The following DLGAP5 variants were observed in gnomAD, a reference collection of about 807,000 sequenced individuals.
The protein encoded by DLGAP5 is disks large-associated protein 5.
A neutral mutation model predicts 99.6 loss-of-function variants in DLGAP5; 90 were observed. The observed-to-expected ratio is 0.90, with a 90% CI of 0.76 to 1.08. DLGAP5 has a LOEUF of 1.08. Ranked by LOEUF, DLGAP5 falls within the 50% of genes least tolerant of loss-of-function variation. The pLI is 0.00. For missense variants in DLGAP5, 1,036 were observed against 983.5 expected (o/e 1.05, Z -0.71); for synonymous variants, 311 against 321.3 (o/e 0.97, Z 0.34).
In DLGAP5 at chr14:55,175,418, A is replaced by G. The variant is rs760676527; in HGVS notation, c.1229T>C (p.Ile410Thr). 6.4e-7 allele frequency: 1 copy of G among 1,567,040 alleles called. No homozygotes were observed. Among genetic ancestry groups the G allele is most frequent in the Admixed American group, 1.7e-5 (1 of 58,336 alleles). Residue 410 changes from isoleucine to threonine, a missense_variant, in exon 10 of 19, where the codon ATA becomes ACA. Physicochemically the swap from Ile to Thr is moderately conservative, Grantham distance 89. Coordinates refer to ENST00000247191, the MANE Select transcript of DLGAP5 (RefSeq NM_014750.5). ...TCTTTCAAGTGATGGGACTTCTTTT[A>G]TTGGAAGGCCATTTAAATTTTTAGT... ...ATTKNLNGLP[I>T]KEVPSLERNE... is the part of the protein sequence containing the mutation.
intron 11 of DLGAP5, 88 bp downstream of exon 11, chr14:55,170,614 G>A: frequency 8.7e-7 from 1 of 1,145,464 alleles, no homozygotes; most frequent in Non-Finnish European, 1.3e-6. Context: ...AAACAATAAA[G>A]TTAGGCAATG....
At chr14:55,162,655 C>T (rs1306678998) in intron 13 of DLGAP5, among the ~76,000 whole-genome samples, 1 of 151,548 alleles carries the variant, frequency 6.6e-6, no homozygotes, top group Non-Finnish European at 1.5e-5. Context: ...AAAACCAACA[C>T]TCATATATCC....
At chr14:55,154,943 TTTCTG>T in intron 14 of DLGAP5, 137 bp from the exon 15 acceptor site, 1 of 729,376 alleles carries the variant, frequency 1.4e-6, no homozygotes, top group South Asian at 1.9e-5. Context: ...TGCCTGGGAC[TTTCTG>T]TTAAAGATAG....
chr14:55,177,427 A>AC lies in DLGAP5; in HGVS notation c.775-92_775-91insG, dbSNP rs1883113242. On this transcript the variant is annotated intron_variant, in intron 7 of 18. Coordinates refer to ENST00000247191, the MANE Select transcript of DLGAP5 (RefSeq NM_014750.5). The stretch of plus-strand genomic sequence containing the variant: ...TATAGGTCTGAAAATATGACAACAG[A>AC]AATATATGTTCTATGTACATAATTT... 3.4e-6 allele frequency: 4 copies of AC among 1,190,666 alleles called. No individual in the cohort carries two copies. In the African/African-American group the frequency reaches 6.2e-5, roughly 18 times the overall value. 73.8% of individuals were successfully genotyped at this position (1,190,666 alleles called of 1,614,324 possible). A position where few individuals can be genotyped will look rare whatever the true frequency, so the allele number is the denominator to read the frequency against.
chr14:55,177,384 A>G, intron 7 of DLGAP5, 48 bp from the exon 8 acceptor site: 1 of 1,509,610 alleles, frequency 6.6e-7, no homozygotes, highest in African/African-American at 1.4e-5. Context: ...TCTTCTGAGG[A>G]TATATTCAAC....
Position 55,175,337 on chromosome 14 carries a change from C to T in DLGAP5, c.1301+9G>A. The T allele has an allele frequency of 3.7e-6, 6 of 1,605,590 alleles. No homozygotes were observed. Among genetic ancestry groups the T allele is most frequent in the South Asian group, 1.1e-5 (1 of 88,640 alleles). On this transcript the variant is annotated intron_variant, in intron 10 of 18. Transcript: ENST00000247191. The stretch of plus-strand genomic sequence containing the variant: ...ACAAAATTCTTACACTAGAAACACA[C>T]AGACATACCTGAAATATGGCACACC...
intron 7 of DLGAP5, among the ~76,000 whole-genome samples, chr14:55,179,225 AAAG>A (rs139402296): frequency 0.014 from 2,089 of 152,256 alleles, 54 homozygotes; most frequent in African/African-American, 0.047. Flanking sequence ...AGGAATAAGA[AAAG>A]AAGCTCATAA....
intron 10 of DLGAP5, among the ~76,000 whole-genome samples, chr14:55,174,465 T>A (rs147744971): frequency 0.018 from 2,797 of 152,278 alleles, 77 homozygotes; most frequent in African/African-American, 0.06. Flanking sequence ...CCACACCTAT[T>A]CGCACACTCC....
intron 2 of DLGAP5, among the ~76,000 whole-genome samples, chr14:55,185,492 C>T (rs1883403981): frequency 6.6e-6 from 1 of 152,040 alleles, no homozygotes; most frequent in African/African-American, 2.4e-5. Context: ...AGCCACCACG[C>T]CTGGCCTTTT....
At chr14:55,173,915 T>TTAACCCTGTAA (rs1882962012) in intron 10 of DLGAP5, among the ~76,000 whole-genome samples, 3 of 152,194 alleles carry the variant, frequency 2.0e-5, no homozygotes, top group Admixed American at 2.0e-4. Flanking sequence ...AATAACTGTA[T>TTAACCCTGTAA]TAACTGCACA....
chr14:55,154,526 A>G (rs1594662780), intron 15 of DLGAP5, 91 bp downstream of exon 15: 4 of 1,059,876 alleles, frequency 3.8e-6, no homozygotes, highest in Non-Finnish European at 5.7e-6. Context: ...TATTAAAAAT[A>G]TATGTCTGGC....
intron 12 of DLGAP5, among the ~76,000 whole-genome samples, chr14:55,169,003 C>T (rs948346961): frequency 1.1e-4 from 16 of 151,622 alleles, no homozygotes; most frequent in African/African-American, 3.6e-4. Flanking sequence ...GGTGAAACTC[C>T]GTCTCTACTA....
chr14:55,150,091 A>G (rs1171492286), intron 18 of DLGAP5, among the ~76,000 whole-genome samples: 1 of 151,908 alleles, frequency 6.6e-6, no homozygotes, highest in African/African-American at 2.4e-5. Context: ...GGCTGAAACC[A>G]ATGCTATATA....
chr14:55,172,862 A>G (rs1262420835), intron 10 of DLGAP5, among the ~76,000 whole-genome samples: 1 of 151,196 alleles, frequency 6.6e-6, no homozygotes, highest in Non-Finnish European at 1.5e-5. Context: ...CACGCCTGTA[A>G]TCCTGGCTAC....
Position 55,183,651 on chromosome 14 carries a change from T to G in DLGAP5, c.341A>C (p.Lys114Thr). ...ACGACCCACTTTAAATATTCCTCGTTTAGCTTTCTCTCTCTGCTCTTTCAA... is the reference window on the plus strand; with the variant it reads ...ACGACCCACTTTAAATATTCCTCGTGTAGCTTTCTCTCTCTGCTCTTTCAA... Reference protein sequence around the residue: ...QKLKEQREKAKRGIFKVGRYR... With the variant: ...QKLKEQREKATRGIFKVGRYR... Residue 114 changes from lysine (K) to threonine (T), a missense_variant, in exon 3 of 19, where the codon AAA becomes ACA. Transcript: ENST00000247191. 1 of 1,612,656 alleles carries G rather than the reference T, an allele frequency of 6.2e-7. No individual in the cohort carries two copies. The highest frequency in any genetic ancestry group is 2.2e-5 in the East Asian group (1 of 44,846).
chr14:55,190,310 A>G (rs1370450448), intron 1 of DLGAP5, among the ~76,000 whole-genome samples: 1 of 151,994 alleles, frequency 6.6e-6, no homozygotes, highest in East Asian at 1.9e-4. Flanking sequence ...ACACACACAC[A>G]CACACGCACA....
intron 2 of DLGAP5, among the ~76,000 whole-genome samples, chr14:55,184,383 A>C (rs1161578100): frequency 1.3e-5 from 2 of 152,116 alleles, no homozygotes; most frequent in African/African-American, 4.8e-5. Context: ...ATTTGTATTC[A>C]TTTTGCCTTC....
intron 1 of DLGAP5, 109 bp from the exon 2 acceptor site, chr14:55,189,289 T>C (rs936912342): frequency 3.8e-6 from 3 of 783,598 alleles, no homozygotes; most frequent in African/African-American, 3.5e-5. Context: ...AATAAAAATA[T>C]AAAATGTGCA....
intron 14 of DLGAP5, among the ~76,000 whole-genome samples, chr14:55,156,639 A>G (rs549228054): frequency 1.3e-5 from 2 of 152,330 alleles, no homozygotes; most frequent in South Asian, 4.1e-4. Context: ...TTAGTGCCCT[A>G]TTCTTAACCA....
Sources: allele counts gnomAD v4.1 joint callset (sites outside exome capture counted in the v4.1 genomes callset), GRCh38; gene constraint gnomAD v4.1.1; transcripts MANE v1.5; gene names NCBI Gene and HGNC (gene_info 2026-07-23, HGNC 2026-07-21).